CCDC149: variants seen among roughly 807,000 people sequenced by gnomAD.
CCDC149 encodes coiled-coil domain-containing protein 149.
Under a neutral mutation model 59.9 loss-of-function variants are expected in CCDC149, and 45 were observed. That is an observed-to-expected ratio of 0.75 (90% confidence interval 0.59 to 0.96). The LOEUF (loss-of-function observed/expected upper bound fraction) is 0.96. Among genes scored for constraint, CCDC149 ranks in the 40% least tolerant of loss-of-function variants. The probability of loss-of-function intolerance (pLI) is 0.00; values close to 1 mark genes in which losing one functional copy is unlikely to be tolerated. For missense variants in CCDC149, 584 were observed against 664.7 expected (o/e 0.88, Z 1.33); for synonymous variants, 245 against 260.6 (o/e 0.94, Z 0.58).
chr4:24,859,084 G>A (rs1718210499), intron 3 of CCDC149, among the ~76,000 whole-genome samples: 1 of 152,178 alleles, frequency 6.6e-6, no homozygotes, highest in Non-Finnish European at 1.5e-5. Context: ...CTGATTTAAT[G>A]ATGCTTCAAC....
intron 1 of CCDC149, among the ~76,000 whole-genome samples, chr4:24,941,923 A>G (rs1276213208): frequency 1.3e-5 from 2 of 152,006 alleles, no homozygotes; most frequent in Admixed American, 6.6e-5. Flanking sequence ...CAACCAAAAA[A>G]AGTCCAGGAC....
In CCDC149 at chr4:24,978,815, G is replaced by A. The variant is rs137875170; in HGVS notation, c.-65+1254C>T. Reference sequence around the variant, plus strand: ...CTACTCGGACTCACTGGTTTCCTTTGGTAAAATGCCCCATATCCAGAAGGG... The same window carrying A: ...CTACTCGGACTCACTGGTTTCCTTTAGTAAAATGCCCCATATCCAGAAGGG... On this transcript the variant is annotated intron_variant, in intron 1 of 12. Transcript: ENST00000389609. Among the ~76,000 whole-genome samples the A allele has an allele frequency of 7.9e-5, 12 of 152,288 alleles. No homozygotes were observed. In the East Asian group the frequency reaches 2.3e-3, roughly 29 times the overall value.
rs148454208 is a variant in CCDC149 at position 24,830,460 on chromosome 4, G to A, written c.965+1046C>T. ...GCCCTGCTTCCCTTTGCTGCTCTCC[G>A]CTTTCTTCCACATACATCTTCATCT... On this transcript the variant is annotated intron_variant, in intron 9 of 12. Transcript: ENST00000635206. 2.8e-3 allele frequency: 420 copies of A among 152,338 alleles called. 3 individuals carry two copies. The highest frequency in any genetic ancestry group is 9.5e-3 in the African/African-American group (396 of 41,522). 9.4% of individuals were successfully genotyped at this position (152,338 alleles called of 1,614,324 possible).
At position 24,879,963 on chromosome 4, in the gene CCDC149, C is replaced by G. The variant is rs1056539480; in HGVS notation, c.64-3266G>C. Among the ~76,000 whole-genome samples the G allele has an allele frequency of 2.0e-5, 3 of 152,330 alleles. 1 individual carries two copies. The highest frequency in any genetic ancestry group is 6.8e-3 in the Middle Eastern group (2 of 294). On this transcript the variant is annotated intron_variant, in intron 1 of 12. Transcript: ENST00000635206. ...GGACTGAGAGGCCACAGATAGCCCA[C>G]AAGTTCAGAAGCAAGGAACAGTCTC...
At chr4:24,914,503 A>G (rs559971490), upstream of CCDC149, among the ~76,000 whole-genome samples, 29 of 152,302 alleles carry the variant, frequency 1.9e-4, no homozygotes, top group East Asian at 5.6e-3. Context: ...TTGCTGGTTA[A>G]GGTAGGATTC....
At chr4:24,864,048 G>A (rs555711352) in intron 3 of CCDC149, among the ~76,000 whole-genome samples, 8 of 152,332 alleles carry the variant, frequency 5.3e-5, no homozygotes, top group South Asian at 2.1e-4. Flanking sequence ...TTTTGTCTCG[G>A]TGCTGACTTT....
chr4:24,935,813 G>T (rs571021195), intron 1 of CCDC149, among the ~76,000 whole-genome samples: 69 of 152,312 alleles, frequency 4.5e-4, no homozygotes, highest in African/African-American at 1.6e-3. Flanking sequence ...TTAGGGGAGA[G>T]GGAGAACCAA....
chr4:24,945,489 C>T (rs1723081568), intron 1 of CCDC149, among the ~76,000 whole-genome samples: 1 of 152,144 alleles, frequency 6.6e-6, no homozygotes, highest in Admixed American at 6.5e-5. Flanking sequence ...AGAAAGGAGT[C>T]CCCGTCAGAG....
At chr4:24,919,771 G>T (rs1722232047) in intron 1 of CCDC149, among the ~76,000 whole-genome samples, 1 of 152,212 alleles carries the variant, frequency 6.6e-6, no homozygotes, top group African/African-American at 2.4e-5. Flanking sequence ...CTCCACCATG[G>T]GCGGATTGGG....
At chr4:24,972,258 T>C (rs1291394471) in intron 1 of CCDC149, among the ~76,000 whole-genome samples, 2 of 151,630 alleles carry the variant, frequency 1.3e-5, no homozygotes, top group African/African-American at 2.4e-5. Context: ...TTTGCTGTGT[T>C]GATTGTGGTT....
At chr4:24,917,077 C>T (rs1218377751), upstream of CCDC149, among the ~76,000 whole-genome samples, 1 of 152,114 alleles carries the variant, frequency 6.6e-6, no homozygotes, top group Non-Finnish European at 1.5e-5. Flanking sequence ...TAGAGGTTCT[C>T]TGGGAAGGAC....
chr4:24,846,146 C>T (rs573442426), intron 4 of CCDC149, among the ~76,000 whole-genome samples: 1 of 152,234 alleles, frequency 6.6e-6, no homozygotes, highest in South Asian at 2.1e-4. Flanking sequence ...TATCGGAAGA[C>T]CAAGTGTATC....
intron 1 of CCDC149, among the ~76,000 whole-genome samples, chr4:24,935,291 C>A (rs973364429): frequency 6.6e-6 from 1 of 152,120 alleles, no homozygotes; most frequent in Non-Finnish European, 1.5e-5. Flanking sequence ...ATCATGGTAC[C>A]ATTTTCTGGA....
chr4:24,966,839 G>A (rs1723817595), intron 1 of CCDC149, among the ~76,000 whole-genome samples: 1 of 152,196 alleles, frequency 6.6e-6, no homozygotes, highest in Non-Finnish European at 1.5e-5. Context: ...TAGGGAACTG[G>A]CCAAAGTGCC....
intron 9 of CCDC149, chr4:24,828,297 A>G (rs930131282): frequency 3.3e-5 from 5 of 151,384 alleles, no homozygotes; most frequent in South Asian, 2.1e-4. Context: ...AAAAGACAGT[A>G]TATCTATGTA....
At chr4:24,914,398 A>G (rs13147146), upstream of CCDC149, among the ~76,000 whole-genome samples, 53,606 of 150,096 alleles carry the variant, frequency 0.36, 10,424 homozygotes, top group African/African-American at 0.51. Flanking sequence ...AAAAAAAAAA[A>G]AAAAAAGAAA....
intron 1 of CCDC149, among the ~76,000 whole-genome samples, chr4:24,949,824 G>A (rs976789441): frequency 1.3e-5 from 2 of 152,214 alleles, no homozygotes; most frequent in African/African-American, 4.8e-5. Context: ...AGGAGAATAA[G>A]ACCAGTGGGA....
intron 1 of CCDC149, among the ~76,000 whole-genome samples, chr4:24,921,901 A>G (rs1722304709): frequency 6.6e-6 from 1 of 152,152 alleles, no homozygotes; most frequent in Admixed American, 6.5e-5. Context: ...AGGGCTGACA[A>G]AGGACCACAG....
intron 1 of CCDC149, among the ~76,000 whole-genome samples, chr4:24,959,840 A>G (rs1336035993): frequency 6.6e-6 from 1 of 152,194 alleles, no homozygotes; most frequent in Non-Finnish European, 1.5e-5. Flanking sequence ...CAAAATAAAG[A>G]TGTTTTCAGA....
Sources: gnomAD v4.1 joint callset for allele counts (sites outside exome capture counted in the v4.1 genomes callset) on GRCh38, gnomAD v4.1.1 for gene constraint, MANE v1.5 for transcripts, NCBI Gene and HGNC (gene_info 2026-07-23, HGNC 2026-07-21) for gene names.